The following ST3GAL1 variants were observed in gnomAD, a reference collection of about 807,000 sequenced individuals.
ST3GAL1 encodes the protein ST3 beta-galactoside alpha-2,3-sialyltransferase 1.
Under a neutral mutation model 34.1 loss-of-function variants are expected in ST3GAL1, and 16 were observed. The observed-to-expected ratio is 0.47, with a 90% CI of 0.32 to 0.71. The LOEUF (loss-of-function observed/expected upper bound fraction) is 0.71. ST3GAL1 is among the 30% of genes least tolerant of loss of function. ST3GAL1 has a pLI of 0.04. For synonymous variants in ST3GAL1, 191 were observed against 184.7 expected (o/e 1.03, Z -0.28); for missense variants, 353 against 447.4 (o/e 0.79, Z 1.90).
At chr8:133,489,722 G>C (rs1306540544) in intron 3 of ST3GAL1, 1 of 152,234 alleles carries the variant, frequency 6.6e-6, no homozygotes, top group Non-Finnish European at 1.5e-5. Context: ...TAGAAATGTA[G>C]TCAACACCAG....
At chr8:133,525,289 G>A (rs1029540789) in intron 2 of ST3GAL1, among the ~76,000 whole-genome samples, 15 of 152,194 alleles carry the variant, frequency 9.9e-5, no homozygotes, top group African/African-American at 3.1e-4. Context: ...AAGAGTCAAG[G>A]AGACCCAGAG....
In ST3GAL1 at chr8:133,495,908, G is replaced by A. The variant is rs142670027; in HGVS notation, c.-374+3227C>T. On this transcript the variant is annotated intron_variant, in intron 3 of 9. Coordinates refer to ENST00000522652, the MANE Select transcript of ST3GAL1 (RefSeq NM_173344.3). Reference sequence around the variant, plus strand: ...CAAATAGAGAAAGTGGTCAGGTTGCGCCTGAACTGCTGTGGAGGGCACACG... The same window carrying A: ...CAAATAGAGAAAGTGGTCAGGTTGCACCTGAACTGCTGTGGAGGGCACACG... 2.7e-3 allele frequency among the ~76,000 whole-genome samples: 417 copies of A among 152,306 alleles called. 2 individuals carry two copies. Among genetic ancestry groups the A allele is most frequent in the African/African-American group, 9.7e-3 (404 of 41,564 alleles).
At chr8:133,475,305 G>A (rs1190973095) in intron 5 of ST3GAL1, among the ~76,000 whole-genome samples, 2 of 152,224 alleles carry the variant, frequency 1.3e-5, no homozygotes, top group African/African-American at 4.8e-5. Context: ...GAGCCTCCAG[G>A]AGGAGCCAAG....
intron 2 of ST3GAL1, among the ~76,000 whole-genome samples, chr8:133,540,828 T>TATATATAGAGAGAC (rs1435741881): frequency 3.6e-5 from 3 of 84,314 alleles, no homozygotes; most frequent in Non-Finnish European, 7.9e-5. Flanking sequence ...TATATAGACA[T>TATATATAGAGAGAC]ATATATAGAG....
intron 3 of ST3GAL1, among the ~76,000 whole-genome samples, chr8:133,483,312 C>A (rs57443741): frequency 0.023 from 3,548 of 152,098 alleles, 150 homozygotes; most frequent in African/African-American, 0.08. Flanking sequence ...ACTGCACTCC[C>A]GCCTGGCCGA....
chr8:133,516,768 A>G (rs987887655), intron 2 of ST3GAL1, among the ~76,000 whole-genome samples: 1 of 152,222 alleles, frequency 6.6e-6, no homozygotes, highest in African/African-American at 2.4e-5. Flanking sequence ...CATAACTCTA[A>G]GCCCAGGTTT....
chr8:133,463,499 G>T (rs1233429643), intron 7 of ST3GAL1, 40 bp from the exon 8 acceptor site: 3 of 1,608,406 alleles, frequency 1.9e-6, no homozygotes, highest in Middle Eastern at 1.6e-4. Context: ...TGGGGCAGGG[G>T]ACAGGCCCAG....
intron 2 of ST3GAL1, among the ~76,000 whole-genome samples, chr8:133,529,078 C>T (rs974215814): frequency 1.3e-5 from 2 of 152,244 alleles, no homozygotes; most frequent in African/African-American, 2.4e-5. Flanking sequence ...CAGTGGTGAC[C>T]GAGCAGAGCA....
At chr8:133,545,984 C>G (rs1307692801) in intron 1 of ST3GAL1, 58 bp from the exon 2 acceptor site, 1 of 152,186 alleles carries the variant, frequency 6.6e-6, no homozygotes. Context: ...CATCCTCTGC[C>G]TTTTTAGGAT....
intron 2 of ST3GAL1, among the ~76,000 whole-genome samples, chr8:133,545,101 C>T (rs925094736): frequency 1.3e-5 from 2 of 152,212 alleles, no homozygotes; most frequent in African/African-American, 4.8e-5. Flanking sequence ...GTGACTGAGG[C>T]CTGAATTTTT....
intron 5 of ST3GAL1, among the ~76,000 whole-genome samples, chr8:133,470,177 T>C (rs1308384737): frequency 6.6e-6 from 1 of 152,170 alleles, no homozygotes; most frequent in African/African-American, 2.4e-5. Context: ...CCCAACACTT[T>C]GCGAGGCCAA....
chr8:133,549,424 G>A (rs919391632), intron 1 of ST3GAL1, among the ~76,000 whole-genome samples: 2 of 151,760 alleles, frequency 1.3e-5, no homozygotes, highest in Non-Finnish European at 2.9e-5. Flanking sequence ...AAAGATATAA[G>A]GCGGTAATCT....
intron 3 of ST3GAL1, among the ~76,000 whole-genome samples, chr8:133,482,120 G>A (rs1331995799): frequency 6.6e-6 from 1 of 152,072 alleles, no homozygotes; most frequent in Non-Finnish European, 1.5e-5. Flanking sequence ...TGCAGAAAAT[G>A]AGCAGGGAAT....
In ST3GAL1 at chr8:133,464,937, G is replaced by A; in HGVS notation, c.524C>T (p.Ala175Val). 6.2e-7 allele frequency: 1 copy of A among 1,613,390 alleles called. No homozygotes were observed. Among genetic ancestry groups the A allele is most frequent in the Non-Finnish European group, 8.5e-7 (1 of 1,179,592 alleles). The change falls in exon 7 of 10, where the codon GCA becomes GTA. Residue 175 changes from alanine (A) to valine (V), a missense_variant. Ala to Val is a moderately conservative substitution (Grantham distance 64, BLOSUM62 0). Transcript: ENST00000522652. The part of the protein sequence containing the change: ...FVLRMNKAPT[A>V]GFEADVGTKT... ...GGTCCCAACATCAGCTTCAAACCCT[G>A]CCGTGGGCGCCTTGTTCATCCTGGG...
Position 133,476,062 on chromosome 8 carries a change from C to A in ST3GAL1, c.-38G>T, listed in dbSNP as rs1416371902. On this transcript the variant is annotated 5_prime_UTR_variant, in exon 5 of 10. Coordinates refer to ENST00000522652, the MANE Select transcript of ST3GAL1 (RefSeq NM_173344.3). ...GATGGTGGCCTCCCACGATGGGTAG[C>A]AGGAACTCCCTCCTAAGAGAGGAGA... 3 of 1,525,402 alleles carry A rather than the reference C, an allele frequency of 2.0e-6. No individual in the cohort carries two copies. The highest frequency in any genetic ancestry group is 2.6e-6 in the Non-Finnish European group (3 of 1,135,832). 94.5% of individuals were successfully genotyped at this position (1,525,402 alleles called of 1,614,324 possible).
At chr8:133,499,915 A>G (rs1037063431) in intron 2 of ST3GAL1, among the ~76,000 whole-genome samples, 1 of 152,178 alleles carries the variant, frequency 6.6e-6, no homozygotes, top group Admixed American at 6.5e-5. Context: ...CTCACTGGGC[A>G]GGGGCGGGAG....
At chr8:133,478,554 T>C (rs994849335) in intron 3 of ST3GAL1, among the ~76,000 whole-genome samples, 2 of 152,214 alleles carry the variant, frequency 1.3e-5, no homozygotes, top group African/African-American at 4.8e-5. Flanking sequence ...AGTAGGTTAT[T>C]TGTAACTTGA....
chr8:133,467,942 T>A lies in ST3GAL1; in HGVS notation c.307-1852A>T, dbSNP rs537648975. ...CTGGACCACACTTCACACCCACTGC[T>A]ACAGTTATCATAAGTAAAAGGGCAA... On this transcript the variant is annotated intron_variant, in intron 5 of 9. Coordinates refer to ENST00000522652, the MANE Select transcript of ST3GAL1 (RefSeq NM_173344.3). The surrounding 1 kb of genome is among the most constrained non-coding windows in gnomAD (Gnocchi z 4.2). Among the ~76,000 whole-genome samples, 1 of 152,300 alleles carries A rather than the reference T, an allele frequency of 6.6e-6. No individual in the cohort carries two copies. Among genetic ancestry groups the A allele is most frequent in the African/African-American group, 2.4e-5 (1 of 41,562 alleles).
intron 1 of ST3GAL1, among the ~76,000 whole-genome samples, chr8:133,561,795 G>T (rs914791415): frequency 6.6e-6 from 1 of 152,134 alleles, no homozygotes; most frequent in African/African-American, 2.4e-5. Flanking sequence ...CACTCGACCA[G>T]ATGTTGATCA....
Sources: allele counts gnomAD v4.1 joint callset (sites outside exome capture counted in the v4.1 genomes callset), GRCh38; gene constraint gnomAD v4.1.1; non-coding constraint Gnocchi (gnomAD v3.1); transcripts MANE v1.5; gene names NCBI Gene and HGNC (gene_info 2026-07-23, HGNC 2026-07-21).